The following SPAG16 variants were observed in gnomAD, a reference collection of about 807,000 sequenced individuals.
SPAG16 encodes the protein sperm-associated antigen 16 protein.
In SPAG16, 86 loss-of-function variants were observed where a neutral mutation model predicts 80.4. The observed-to-expected ratio is 1.07, with a 90% CI of 0.90 to 1.28. The LOEUF (loss-of-function observed/expected upper bound fraction) is 1.28, where lower values mean the gene tolerates loss of function less well. SPAG16 is among the 50% of genes most tolerant of loss of function. The pLI, the probability that SPAG16 is intolerant of heterozygous loss-of-function variation, is 0.00. For missense variants in SPAG16, 870 were observed against 765.3 expected, an observed-to-expected ratio of 1.14 and a Z score of -1.61; for synonymous variants, 294 against 265.9, an observed-to-expected ratio of 1.11 and a Z score of -1.03.
At chr2:213,811,967 A>T (rs1251983766) in intron 10 of SPAG16, among the ~76,000 whole-genome samples, 1 of 152,112 alleles carries the variant, frequency 6.6e-6, no homozygotes, top group Non-Finnish European at 1.5e-5. Flanking sequence ...GATAATACAT[A>T]ATCACAGTTT....
rs144801466 is a variant in SPAG16 at position 213,674,490 on chromosome 2, C to T, written c.1070+184400C>T. Among the ~76,000 whole-genome samples the T allele has an allele frequency of 4.4e-4, 66 of 150,894 alleles. 2 individuals are homozygous for T. The highest frequency in any genetic ancestry group is 1.6e-3 in the African/African-American group (64 of 40,276). ...TGCTGGTGCGCTGCACCCACTAACT[C>T]GTCATCTAGCATTAGGTATATCTCC... On this transcript the variant is annotated intron_variant, in intron 10 of 15. Coordinates refer to ENST00000331683, the MANE Select transcript of SPAG16 (RefSeq NM_024532.5).
intron 13 of SPAG16, among the ~76,000 whole-genome samples, chr2:214,030,059 C>T (rs2125045509): frequency 6.6e-6 from 1 of 152,222 alleles, no homozygotes; most frequent in Non-Finnish European, 1.5e-5. Flanking sequence ...TTTAGGCACT[C>T]TTGTACAGCA....
intron 10 of SPAG16, among the ~76,000 whole-genome samples, chr2:213,627,529 CT>C (rs1397192753): frequency 2.0e-5 from 3 of 152,100 alleles, no homozygotes; most frequent in African/African-American, 7.2e-5. Flanking sequence ...TTTCTCCTTC[CT>C]GTATTCAAAG....
chr2:213,917,167 T>G (rs1279334984), intron 11 of SPAG16, among the ~76,000 whole-genome samples: 1 of 152,190 alleles, frequency 6.6e-6, no homozygotes, highest in Non-Finnish European at 1.5e-5. Context: ...ACCATGCTGT[T>G]TTGGTTACTG....
At chr2:213,385,350 G>A (rs1307708710) in intron 9 of SPAG16, among the ~76,000 whole-genome samples, 1 of 152,108 alleles carries the variant, frequency 6.6e-6, no homozygotes, top group Non-Finnish European at 1.5e-5. Context: ...AGGGTGTTAA[G>A]TTCTGTGTTA....
intron 15 of SPAG16, among the ~76,000 whole-genome samples, chr2:214,400,905 CTA>C (rs898724443): frequency 4.6e-5 from 7 of 151,954 alleles, no homozygotes; most frequent in South Asian, 2.1e-4. Context: ...GTTTTATACT[CTA>C]TGTTTTACAC....
intron 10 of SPAG16, among the ~76,000 whole-genome samples, chr2:213,509,094 T>C (rs1306794062): frequency 1.3e-5 from 2 of 151,966 alleles, no homozygotes; most frequent in Non-Finnish European, 1.5e-5. Context: ...CCTTCCAAGT[T>C]CAAGTGATTC....
chr2:214,148,468 G>A (rs2055774838), intron 14 of SPAG16, among the ~76,000 whole-genome samples: 1 of 151,958 alleles, frequency 6.6e-6, no homozygotes. Context: ...CTTCTTCCTT[G>A]TTCCACTACA....
intron 10 of SPAG16, among the ~76,000 whole-genome samples, chr2:213,658,946 G>A (rs1375638437): frequency 1.3e-5 from 2 of 152,178 alleles, no homozygotes; most frequent in Non-Finnish European, 2.9e-5. Context: ...TGAGGCAGGA[G>A]AATTGCTTGC....
chr2:213,837,822 G>A (rs1483420281), intron 10 of SPAG16, among the ~76,000 whole-genome samples: 1 of 152,200 alleles, frequency 6.6e-6, no homozygotes, highest in Non-Finnish European at 1.5e-5. Context: ...AAAGAGAGAG[G>A]TAGACGAGTC....
intron 10 of SPAG16, among the ~76,000 whole-genome samples, chr2:213,549,978 CTTA>C (rs1403983278): frequency 6.6e-6 from 1 of 151,728 alleles, no homozygotes; most frequent in East Asian, 1.9e-4. Flanking sequence ...AATTTTAAAC[CTTA>C]TTATGCCACT....
intron 13 of SPAG16, among the ~76,000 whole-genome samples, chr2:214,076,463 A>G (rs1470102887): frequency 6.6e-6 from 1 of 152,100 alleles, no homozygotes; most frequent in Admixed American, 6.6e-5. Flanking sequence ...AAATTGGCCT[A>G]AAGTGAAAAT....
intron 10 of SPAG16, among the ~76,000 whole-genome samples, chr2:213,799,268 G>A (rs2071234036): frequency 6.6e-6 from 1 of 151,764 alleles, no homozygotes; most frequent in Non-Finnish European, 1.5e-5. Flanking sequence ...TTATAGTTTC[G>A]AGTATAAATT....
chr2:213,497,284 A>G (rs183563369), intron 10 of SPAG16, among the ~76,000 whole-genome samples: 9 of 152,248 alleles, frequency 5.9e-5, no homozygotes, highest in Admixed American at 5.2e-4. Flanking sequence ...GGTGTGTTCT[A>G]TGAATAAATA....
chr2:213,318,546 A>C (rs182857410), intron 5 of SPAG16, among the ~76,000 whole-genome samples: 16 of 152,080 alleles, frequency 1.1e-4, no homozygotes, highest in Admixed American at 3.3e-4. Context: ...AATGTCCACT[A>C]CTTGGGTGAT....
At chr2:213,761,738 C>T (rs953325926) in intron 10 of SPAG16, among the ~76,000 whole-genome samples, 8 of 151,736 alleles carry the variant, frequency 5.3e-5, no homozygotes, top group Admixed American at 1.3e-4. Context: ...TGGTGGCGGG[C>T]GCCTGTAGTC....
At chr2:213,649,738 C>A (rs1374198574) in intron 10 of SPAG16, among the ~76,000 whole-genome samples, 1 of 152,014 alleles carries the variant, frequency 6.6e-6, no homozygotes, top group Non-Finnish European at 1.5e-5. Flanking sequence ...CCATGGTGGG[C>A]TAATTTAAAA....
chr2:213,510,277 A>C (rs1038410402), intron 10 of SPAG16, among the ~76,000 whole-genome samples: 53 of 152,206 alleles, frequency 3.5e-4, no homozygotes, highest in Middle Eastern at 3.2e-3. Flanking sequence ...CAACCATAGC[A>C]AAAGGACATA....
At chr2:213,613,726 C>T (rs1014438593) in intron 10 of SPAG16, among the ~76,000 whole-genome samples, 1 of 152,062 alleles carries the variant, frequency 6.6e-6, no homozygotes, top group Non-Finnish European at 1.5e-5. Context: ...TCTGTGAAGG[C>T]AGAACTTTTT....
Sources: gnomAD v4.1 joint callset for allele counts (sites outside exome capture counted in the v4.1 genomes callset) on GRCh38, gnomAD v4.1.1 for gene constraint, MANE v1.5 for transcripts, NCBI Gene and HGNC (gene_info 2026-07-23, HGNC 2026-07-21) for gene names.